The following OLAH variants were observed in gnomAD, a reference collection of about 807,000 sequenced individuals.
OLAH encodes S-acyl fatty acid synthase thioesterase, medium chain.
A neutral mutation model predicts 27.8 loss-of-function variants in OLAH; 33 were observed. The observed-to-expected ratio is 1.19, with a 90% CI of 0.90 to 1.59. The LOEUF (loss-of-function observed/expected upper bound fraction) is 1.59. OLAH is among the 40% of genes most tolerant of loss of function. The probability of loss-of-function intolerance (pLI) is 0.00; values close to 1 mark genes in which losing one functional copy is unlikely to be tolerated. For missense variants in OLAH, 359 were observed against 310.8 expected, an observed-to-expected ratio of 1.16 and a Z score of -1.17; for synonymous variants, 120 against 102.9, an observed-to-expected ratio of 1.17 and a Z score of -1.01.
At chr10:15,045,714 C>A (rs12217746) in intron 1 of OLAH, among the ~76,000 whole-genome samples, 200 of 152,202 alleles carry the variant, frequency 1.3e-3, no homozygotes, top group African/African-American at 4.6e-3. Flanking sequence ...CACAACTGAG[C>A]TTGACAAGTT....
upstream of OLAH, among the ~76,000 whole-genome samples, chr10:15,041,308 C>T (rs548885619): frequency 1.1e-4 from 16 of 146,890 alleles, no homozygotes; most frequent in Non-Finnish European, 1.8e-4. Context: ...ACAGAGTTTT[C>T]GCTCTTGTGG....
Position 15,071,908 on chromosome 10 carries a change from T to C in OLAH, c.655+31T>C, listed in dbSNP as rs373669786. On this transcript the variant is annotated intron_variant, in intron 7 of 7. Transcript: ENST00000378228. ...ATTATTTTTAGTCTCGAGTATTGTATTGAAATATATGTTTGATGGCTTTAA... is the reference window on the plus strand; with the variant it reads ...ATTATTTTTAGTCTCGAGTATTGTACTGAAATATATGTTTGATGGCTTTAA... 4.8e-5 allele frequency: 73 copies of C among 1,509,208 alleles called. No individual in the cohort carries two copies. In the African/African-American group the frequency reaches 9.4e-4, roughly 19 times the overall value. The allele number at this position is 1,509,208 out of a possible 1,614,324, so 93.5% of individuals were successfully genotyped here.
chr10:15,064,576 CTCTA>C, intron 5 of OLAH, 74 bp downstream of exon 5: 1 of 817,262 alleles, frequency 1.2e-6, no homozygotes, highest in African/African-American at 1.8e-5. Context: ...GCCATTATTT[CTCTA>C]TCTGGTGAAT....
At position 15,047,813 on chromosome 10, in the gene OLAH, C is replaced by A. The variant is rs550050205; in HGVS notation, c.32+493C>A. 1.1e-4 allele frequency among the ~76,000 whole-genome samples: 16 copies of A among 152,150 alleles called. 1 individual carries two copies. The South Asian group carries it at 2.1e-3, about 20-fold the overall frequency. On this transcript the variant is annotated intron_variant, in intron 2 of 7. Coordinates refer to ENST00000378228, the MANE Select transcript of OLAH (RefSeq NM_001039702.3). ...TTTCTCCAGAAATTATCCACCCCCC[C>A]AAAAAAAGTTTTCGTTTGTGCCTAG...
intron 3 of OLAH, among the ~76,000 whole-genome samples, chr10:15,057,620 A>G (rs1844272398): frequency 6.6e-6 from 1 of 151,984 alleles, no homozygotes; most frequent in South Asian, 2.1e-4. Flanking sequence ...TCCTGACTTC[A>G]GGTGATCCAC....
At chr10:15,065,337 T>C (rs1001012786) in intron 5 of OLAH, among the ~76,000 whole-genome samples, 1 of 152,206 alleles carries the variant, frequency 6.6e-6, no homozygotes, top group Non-Finnish European at 1.5e-5. Flanking sequence ...TGGAGAAAGA[T>C]CCTGCCTGTC....
Position 15,046,323 on chromosome 10 carries a change from TATAA to T in OLAH, c.-163-776_-163-773del, listed in dbSNP as rs113256684. On this transcript the variant is annotated intron_variant, in intron 1 of 7. Coordinates refer to ENST00000378228, the MANE Select transcript of OLAH (RefSeq NM_001039702.3). ...AGAGTGAGACTCCGTCTCAAAAAAA[TATAA>T]ATAAATAAATAAATAAATAAATAAA... Among the ~76,000 whole-genome samples, 732 of 149,150 alleles carry T rather than the reference TATAA, an allele frequency of 4.9e-3. 19 individuals are homozygous for T. In the East Asian group the frequency reaches 0.054, roughly 11 times the overall value.
chr10:15,054,017 A>T (rs1312463724), intron 3 of OLAH, among the ~76,000 whole-genome samples: 1 of 150,172 alleles, frequency 6.7e-6, no homozygotes, highest in Non-Finnish European at 1.5e-5. Flanking sequence ...GGCGTGAGCC[A>T]CAGTGCTCAA....
intron 6 of OLAH, among the ~76,000 whole-genome samples, chr10:15,070,908 C>T (rs1844571810): frequency 6.6e-6 from 1 of 151,784 alleles, no homozygotes; most frequent in Non-Finnish European, 1.5e-5. Context: ...ACCTCAGCCT[C>T]CCGAGTAGCT....
intron 1 of OLAH, among the ~76,000 whole-genome samples, chr10:15,035,077 G>C (rs1036492585): frequency 1.3e-5 from 2 of 152,160 alleles, no homozygotes; most frequent in African/African-American, 4.8e-5. Context: ...TGGGATTACA[G>C]GCGCTGAGAG....
intron 1 of OLAH, among the ~76,000 whole-genome samples, chr10:15,045,900 G>A (rs1025384289): frequency 2.6e-5 from 4 of 151,960 alleles, no homozygotes; most frequent in South Asian, 2.1e-4. Context: ...GCCTGGTGGC[G>A]GGTGCCTGTA....
chr10:15,033,092 G>C (rs1843784947), intron 1 of OLAH, among the ~76,000 whole-genome samples: 1 of 151,606 alleles, frequency 6.6e-6, no homozygotes, highest in South Asian at 2.1e-4. Flanking sequence ...GGCCAGGCTG[G>C]TCTTGAACTC....
intron 3 of OLAH, among the ~76,000 whole-genome samples, chr10:15,050,329 G>A (rs1220730578): frequency 6.7e-6 from 1 of 148,198 alleles, no homozygotes; most frequent in African/African-American, 2.5e-5. Flanking sequence ...GTGCAGTGGT[G>A]CAATCTCGGC....
rs1184032460 is a variant in OLAH, at chr10:15,047,107, C to A, written c.-163-19C>A. The A allele has an allele frequency of 6.2e-6, 3 of 483,490 alleles. No homozygotes were observed. Among genetic ancestry groups the A allele is most frequent in the East Asian group, 6.4e-5 (2 of 31,268 alleles). 29.9% of individuals were successfully genotyped at this position (483,490 alleles called of 1,614,324 possible). A position where few individuals can be genotyped will look rare whatever the true frequency, so the allele number is the denominator to read the frequency against. ...TGTCTTCTCCTTCCTTTTCCTCTGACCTTCTTTATTTTTAACAGGGATTGG... is the reference window on the plus strand; with the variant it reads ...TGTCTTCTCCTTCCTTTTCCTCTGAACTTCTTTATTTTTAACAGGGATTGG... On this transcript the variant is annotated intron_variant, in intron 1 of 7. Coordinates refer to ENST00000378228, the MANE Select transcript of OLAH (RefSeq NM_001039702.3).
rs200761612 is a variant in OLAH at position 15,061,820 on chromosome 10, A to G, written c.260A>G (p.Gln87Arg). 1 of 1,613,940 alleles carries G rather than the reference A, an allele frequency of 6.2e-7. No individual in the cohort carries two copies. Among genetic ancestry groups the G allele is most frequent in the Admixed American group, 1.7e-5 (1 of 59,972 alleles). The change falls in exon 4 of 8, where the codon CAG becomes CGG. Residue 87 changes from glutamine to arginine, a missense_variant. Physicochemically the swap from Gln to Arg is conservative, Grantham distance 43 (BLOSUM62 1). Coordinates refer to ENST00000378228, the MANE Select transcript of OLAH (RefSeq NM_001039702.3). ...QLVDEVVCAL[Q>R]PVIQDKPFAF... ...GTTGATGAAGTTGTTTGTGCTCTGC[A>G]GCCAGTCATCCAGGATAAACCATTT...
intron 3 of OLAH, among the ~76,000 whole-genome samples, chr10:15,052,636 T>C (rs932374600): frequency 1.4e-5 from 2 of 146,404 alleles, no homozygotes; most frequent in South Asian, 2.2e-4. Context: ...TTACTGTTTG[T>C]TGTCTTGCTT....
intron 3 of OLAH, among the ~76,000 whole-genome samples, chr10:15,058,446 A>T (rs1316836190): frequency 6.6e-6 from 1 of 152,110 alleles, no homozygotes; most frequent in Non-Finnish European, 1.5e-5. Context: ...TTATTATACC[A>T]GTTCATTTTT....
chr10:15,047,952 T>C (rs1844054238), intron 2 of OLAH, among the ~76,000 whole-genome samples: 1 of 152,172 alleles, frequency 6.6e-6, no homozygotes, highest in Admixed American at 6.5e-5. Flanking sequence ...GTGTTAGTTT[T>C]GGATGTTTGT....
Position 15,061,809 on chromosome 10 carries a change from T to C in OLAH, c.249T>C (p.Val83=). ...NDISQLVDEV[V]CALQPVIQDK... ...TCTCCCAGTTAGTTGATGAAGTTGT[T>C]TGTGCTCTGCAGCCAGTCATCCAGG... The change falls in exon 4 of 8, where the codon GTT becomes GTC. Residue 83 remains valine (V), a synonymous_variant. Coordinates refer to ENST00000378228, the MANE Select transcript of OLAH (RefSeq NM_001039702.3). 6.2e-7 allele frequency: 1 copy of C among 1,613,986 alleles called. No individual in the cohort carries two copies. Among genetic ancestry groups the C allele is most frequent in the Admixed American group, 1.7e-5 (1 of 59,968 alleles).
Sources: allele counts gnomAD v4.1 joint callset (sites outside exome capture counted in the v4.1 genomes callset), GRCh38; gene constraint gnomAD v4.1.1; transcripts MANE v1.5; gene names NCBI Gene and HGNC (gene_info 2026-07-23, HGNC 2026-07-21).